LRRC4C: variants seen among roughly 807,000 people sequenced by gnomAD.
LRRC4C encodes the protein leucine rich repeat containing 4C, also known as leucine-rich repeat-containing protein 4C.
Under a neutral mutation model 33.6 loss-of-function variants are expected in LRRC4C, and 5 were observed. That is an observed-to-expected ratio of 0.15 (90% CI 0.08 to 0.31). The LOEUF (loss-of-function observed/expected upper bound fraction) is 0.31, where lower values mean the gene tolerates loss of function less well. Ranked by LOEUF, LRRC4C falls within the 10% of genes least tolerant of loss-of-function variation. The probability of loss-of-function intolerance (pLI) is 1.00; values close to 1 mark genes in which losing one functional copy is unlikely to be tolerated. For synonymous variants in LRRC4C, 329 were observed against 302.0 expected, an observed-to-expected ratio of 1.09 and a Z score of -0.93; for missense variants, 560 against 796.7, an observed-to-expected ratio of 0.70 and a Z score of 3.58.
chr11:41,190,115 A>G (rs763300739), intron 1 of LRRC4C, among the ~76,000 whole-genome samples: 2 of 152,176 alleles, frequency 1.3e-5, no homozygotes, highest in Non-Finnish European at 2.9e-5. Context: ...TTTCTGTGTG[A>G]TACAATATAA....
intron 3 of LRRC4C, among the ~76,000 whole-genome samples, chr11:40,501,411 C>T (rs1250608233): frequency 6.6e-6 from 1 of 152,176 alleles, no homozygotes; most frequent in East Asian, 1.9e-4. Flanking sequence ...AGCAGAGGTT[C>T]GCCATGAGTG....
intron 2 of LRRC4C, among the ~76,000 whole-genome samples, chr11:40,744,484 T>C (rs1948321282): frequency 6.6e-6 from 1 of 152,182 alleles, no homozygotes; most frequent in Non-Finnish European, 1.5e-5. Flanking sequence ...ATTGTAATTG[T>C]AGTGGTCTCA....
chr11:41,320,890 G>T (rs1950939131), intron 1 of LRRC4C, among the ~76,000 whole-genome samples: 1 of 152,178 alleles, frequency 6.6e-6, no homozygotes, highest in Non-Finnish European at 1.5e-5. Context: ...CTCTGTGATT[G>T]CAGGAATGAA....
chr11:41,415,340 G>A (rs1448357587), intron 1 of LRRC4C, among the ~76,000 whole-genome samples: 4 of 152,106 alleles, frequency 2.6e-5, no homozygotes, highest in Non-Finnish European at 5.9e-5. Context: ...CAGAAGGTTT[G>A]AGGTTTGCCT....
At chr11:40,710,064 CT>C (rs756295710) in intron 2 of LRRC4C, among the ~76,000 whole-genome samples, 11 of 152,144 alleles carry the variant, frequency 7.2e-5, no homozygotes, top group Non-Finnish European at 1.5e-4. Flanking sequence ...CTTCTCTACA[CT>C]GTTTATTCTA....
intron 3 of LRRC4C, among the ~76,000 whole-genome samples, chr11:40,341,134 C>A (rs1341815567): frequency 6.6e-6 from 1 of 152,184 alleles, no homozygotes; most frequent in African/African-American, 2.4e-5. Context: ...TGATATTTCT[C>A]ATTTCTTTCC....
chr11:40,505,516 C>T (rs578248644), intron 3 of LRRC4C, among the ~76,000 whole-genome samples: 5 of 152,292 alleles, frequency 3.3e-5, no homozygotes, highest in African/African-American at 1.2e-4. Flanking sequence ...GCCCTGTAAA[C>T]TTTGAGAATG....
rs546521559 is a variant in LRRC4C at position 40,790,987 on chromosome 11, A to T, written c.-407+142648T>A. Among the ~76,000 whole-genome samples the T allele has an allele frequency of 2.0e-4, 31 of 152,342 alleles. No homozygotes were observed. The South Asian group carries it at 6.4e-3, about 32-fold the overall frequency. Reference sequence around the variant, plus strand: ...CCAAAGTGCCAAGTTATTTAATCAGAGGTCTTCATTTGTTTGAAAAATTCC... The same window carrying T: ...CCAAAGTGCCAAGTTATTTAATCAGTGGTCTTCATTTGTTTGAAAAATTCC... On this transcript the variant is annotated intron_variant, in intron 2 of 6. Transcript: ENST00000528697.
At chr11:40,250,675 G>A (rs1447897727) in intron 4 of LRRC4C, among the ~76,000 whole-genome samples, 1 of 152,026 alleles carries the variant, frequency 6.6e-6, no homozygotes, top group Non-Finnish European at 1.5e-5. Context: ...GGGGAAAGAG[G>A]TTGCAGTGAG....
At chr11:41,448,367 A>G (rs1955908117) in intron 1 of LRRC4C, among the ~76,000 whole-genome samples, 1 of 135,824 alleles carries the variant, frequency 7.4e-6, no homozygotes, top group South Asian at 2.3e-4. Flanking sequence ...GTGTAATGGT[A>G]TAATCTCTGC....
chr11:40,582,086 G>A (rs1958493620), intron 3 of LRRC4C, among the ~76,000 whole-genome samples: 1 of 152,056 alleles, frequency 6.6e-6, no homozygotes, highest in African/African-American at 2.4e-5. Flanking sequence ...CAGCCAAACA[G>A]AAAATATTTA....
intron 5 of LRRC4C, among the ~76,000 whole-genome samples, chr11:40,235,108 T>C (rs1409744272): frequency 6.6e-6 from 1 of 152,206 alleles, no homozygotes; most frequent in Non-Finnish European, 1.5e-5. Flanking sequence ...AAGCAGCAAT[T>C]TCCTTAGTTA....
intron 2 of LRRC4C, among the ~76,000 whole-genome samples, chr11:40,745,932 C>T (rs973207624): frequency 1.8e-4 from 27 of 152,122 alleles, no homozygotes; most frequent in Admixed American, 1.3e-3. Context: ...AAATGGCTGA[C>T]CAGATGCATT....
intron 3 of LRRC4C, among the ~76,000 whole-genome samples, chr11:40,360,383 C>T (rs1300250679): frequency 6.6e-6 from 1 of 152,134 alleles, no homozygotes; most frequent in African/African-American, 2.4e-5. Flanking sequence ...GTACTGATTA[C>T]ACAAGAGGTC....
intron 3 of LRRC4C, among the ~76,000 whole-genome samples, chr11:40,444,432 A>G (rs1179094020): frequency 6.6e-6 from 1 of 150,674 alleles, no homozygotes; most frequent in Non-Finnish European, 1.5e-5. Flanking sequence ...TCTTAGAATT[A>G]TACAAATTGG....
At chr11:41,253,852 A>T (rs1313497999) in intron 1 of LRRC4C, among the ~76,000 whole-genome samples, 1 of 152,100 alleles carries the variant, frequency 6.6e-6, no homozygotes, top group African/African-American at 2.4e-5. Flanking sequence ...GCAGTTTTAG[A>T]ATAAGGATCC....
intron 3 of LRRC4C, among the ~76,000 whole-genome samples, chr11:40,504,894 G>A (rs142616242): frequency 2.0e-4 from 30 of 152,186 alleles, no homozygotes; most frequent in African/African-American, 6.7e-4. Flanking sequence ...TTTAAACCAC[G>A]TAAACAGTAC....
At position 40,240,565 on chromosome 11, in the gene LRRC4C, T is replaced by C. The variant is rs117888487; in HGVS notation, c.-96+954A>G. 2.7e-3 allele frequency among the ~76,000 whole-genome samples: 418 copies of C among 152,298 alleles called. 13 individuals carry two copies. In the East Asian group the frequency reaches 0.067, roughly 24 times the overall value. On this transcript the variant is annotated intron_variant, in intron 5 of 6. Coordinates refer to ENST00000528697, the MANE Select transcript of LRRC4C (RefSeq NM_001258419.2). Reference sequence around the variant, plus strand: ...AGACACTAAACATGCACACTCTTGATGAAAGCTTTTTTAGTGGCCATTACA... The same window carrying C: ...AGACACTAAACATGCACACTCTTGACGAAAGCTTTTTTAGTGGCCATTACA...
chr11:41,015,360 G>T (rs1855505346), intron 1 of LRRC4C, among the ~76,000 whole-genome samples: 1 of 152,004 alleles, frequency 6.6e-6, no homozygotes, highest in Non-Finnish European at 1.5e-5. Context: ...ACAGGGTCTT[G>T]CTCTGTTGCC....
Sources: allele counts gnomAD v4.1 joint callset (sites outside exome capture counted in the v4.1 genomes callset), GRCh38; gene constraint gnomAD v4.1.1; transcripts MANE v1.5; gene names NCBI Gene and HGNC (gene_info 2026-07-23, HGNC 2026-07-21).